Variants in AGO2 observed in about 807,000 individuals in gnomAD.
AGO2 encodes the protein argonaute RISC catalytic component 2, also known as protein argonaute-2.
In AGO2, 5 loss-of-function variants were observed where a neutral mutation model predicts 102.3. That is an observed-to-expected ratio of 0.05 (90% CI 0.03 to 0.10). The LOEUF (loss-of-function observed/expected upper bound fraction) is 0.10, where lower values mean the gene tolerates loss of function less well. Among genes scored for constraint, AGO2 ranks in the 10% least tolerant of loss-of-function variants. AGO2 has a pLI of 1.00. For synonymous variants in AGO2, 449 were observed against 473.1 expected (o/e 0.95, Z 0.66); for missense variants, 541 against 1,183.7 (o/e 0.46, Z 7.97).
intron 1 of AGO2, 123 bp downstream of exon 1, chr8:140,635,362 G>C (rs1054048656): frequency 1.3e-4 from 69 of 537,308 alleles, no homozygotes; most frequent in South Asian, 1.6e-4. Flanking sequence ...GCCCGCCCCC[G>C]GCCCCCGCCG....
intron 17 of AGO2, 79 bp downstream of exon 17, chr8:140,535,389 A>C: frequency 1.4e-6 from 2 of 1,403,086 alleles, no homozygotes; most frequent in Non-Finnish European, 2.0e-6. Context: ...CGTGCCAGCC[A>C]GAGTGCAAGT....
intron 1 of AGO2, among the ~76,000 whole-genome samples, chr8:140,607,464 A>T (rs1429455945): frequency 3.8e-4 from 1 of 2,662 alleles, no homozygotes; most frequent in Non-Finnish European, 7.1e-4. Flanking sequence ...AAAATTATAT[A>T]TATATATATA....
At chr8:140,568,711 C>T (rs564566240) in intron 3 of AGO2, among the ~76,000 whole-genome samples, 1 of 152,304 alleles carries the variant, frequency 6.6e-6, no homozygotes, top group South Asian at 2.1e-4. Flanking sequence ...ATCACTGACC[C>T]CCAAAAGACC....
intron 1 of AGO2, among the ~76,000 whole-genome samples, chr8:140,613,444 A>T (rs1446117952): frequency 6.6e-6 from 1 of 152,222 alleles, no homozygotes; most frequent in African/African-American, 2.4e-5. Context: ...TCCTGTTTTA[A>T]TTTGTAATAC....
chr8:140,543,241 A>T (rs1304964604), intron 14 of AGO2, among the ~76,000 whole-genome samples: 1 of 152,200 alleles, frequency 6.6e-6, no homozygotes, highest in Non-Finnish European at 1.5e-5. Context: ...GCAGCGGTAT[A>T]TGCGTGGGAG....
intron 2 of AGO2, among the ~76,000 whole-genome samples, chr8:140,573,638 T>A (rs142762954): frequency 2.0e-3 from 309 of 152,342 alleles, no homozygotes; most frequent in African/African-American, 7.1e-3. Context: ...GCACTTTATA[T>A]GCCACATACA....
rs1467606156 is a variant in AGO2, at chr8:140,521,628, TCA to T, written c.*10414_*10415del. ...AAGCATGGTAAGTCATCAACCTATC[TCA>T]TTTTCTTACCTGTCAGAAAGCCTTC... On this transcript the variant is annotated 3_prime_UTR_variant, in exon 19 of 19. Transcript: ENST00000220592. The T allele has an allele frequency of 2.0e-5, 3 of 152,238 alleles. No homozygotes were observed. The highest frequency in any genetic ancestry group is 4.4e-5 in the Non-Finnish European group (3 of 68,038). The allele number at this position is 152,238 out of a possible 1,614,324, so 9.4% of individuals were successfully genotyped here.
intron 1 of AGO2, among the ~76,000 whole-genome samples, chr8:140,614,711 G>C (rs975203414): frequency 6.6e-6 from 1 of 152,186 alleles, no homozygotes; most frequent in Non-Finnish European, 1.5e-5. Context: ...CCAGGATCCA[G>C]TACTTACTGC....
chr8:140,538,492 T>C (rs973644645), intron 16 of AGO2, among the ~76,000 whole-genome samples: 4 of 152,234 alleles, frequency 2.6e-5, no homozygotes, highest in African/African-American at 9.6e-5. Context: ...CTGCCTTTCG[T>C]CAGCTGTGGA....
At chr8:140,566,521 C>T (rs2073286576) in intron 3 of AGO2, among the ~76,000 whole-genome samples, 1 of 151,860 alleles carries the variant, frequency 6.6e-6, no homozygotes, top group African/African-American at 2.4e-5. Flanking sequence ...ACACAAGTAA[C>T]AGTAACTGAA....
rs762259884 is a variant in AGO2, at chr8:140,532,013, T to G, written c.*31A>C. 1.3e-6 allele frequency: 2 copies of G among 1,600,004 alleles called. No homozygotes were observed. The highest frequency in any genetic ancestry group is 2.2e-5 in the South Asian group (2 of 90,784). The stretch of plus-strand genomic sequence containing the variant: ...GTGTAGCTGGTCTCGTGAATCCCAC[T>G]CGGTACACAATCGCTAAACACTAAA... On this transcript the variant is annotated 3_prime_UTR_variant, in exon 19 of 19. Transcript: ENST00000220592.
chr8:140,603,127 G>A (rs1346918490), intron 1 of AGO2, among the ~76,000 whole-genome samples: 1 of 152,186 alleles, frequency 6.6e-6, no homozygotes. Flanking sequence ...TGGGAGCCTC[G>A]GATGGTGCGG....
chr8:140,611,036 G>T (rs538537949), intron 1 of AGO2, among the ~76,000 whole-genome samples: 1 of 152,258 alleles, frequency 6.6e-6, no homozygotes. Context: ...CAGAACAGGA[G>T]TTAGGAGTCT....
intron 1 of AGO2, among the ~76,000 whole-genome samples, chr8:140,607,438 C>T (rs1188878395): frequency 7.2e-6 from 1 of 138,976 alleles, no homozygotes; most frequent in African/African-American, 2.7e-5. Flanking sequence ...CCCGTCTCAC[C>T]CCCACCTCTT....
chr8:140,590,394 A>G (rs531286999), intron 1 of AGO2, among the ~76,000 whole-genome samples: 90 of 152,322 alleles, frequency 5.9e-4, no homozygotes, highest in African/African-American at 2.1e-3. Context: ...AGCTGCCCAA[A>G]CACGGACGCC....
intron 16 of AGO2, among the ~76,000 whole-genome samples, chr8:140,537,466 T>C (rs1383187740): frequency 6.6e-6 from 1 of 152,152 alleles, no homozygotes; most frequent in Non-Finnish European, 1.5e-5. Flanking sequence ...CATACACAAC[T>C]AATTTTTAAA....
At chr8:140,542,158 G>C (rs926248080) in intron 14 of AGO2, among the ~76,000 whole-genome samples, 1 of 152,204 alleles carries the variant, frequency 6.6e-6, no homozygotes, top group African/African-American at 2.4e-5. Flanking sequence ...CGGGGGCCAA[G>C]GGAGCGTGAG....
chr8:140,548,924 C>T (rs533416838), intron 12 of AGO2, among the ~76,000 whole-genome samples, 190 bp downstream of exon 12: 3 of 152,366 alleles, frequency 2.0e-5, no homozygotes, highest in South Asian at 2.1e-4. Flanking sequence ...TACAGGACGA[C>T]GGGGAGGCCC....
chr8:140,546,729 G>A (rs777456337), intron 13 of AGO2, among the ~76,000 whole-genome samples: 3 of 152,338 alleles, frequency 2.0e-5, no homozygotes, highest in East Asian at 1.9e-4. Flanking sequence ...CTGATTCTAC[G>A]TATTCTCCGT....
Sources: gnomAD v4.1 joint callset for allele counts (sites outside exome capture counted in the v4.1 genomes callset) on GRCh38, gnomAD v4.1.1 for gene constraint, MANE v1.5 for transcripts, NCBI Gene and HGNC (gene_info 2026-07-23, HGNC 2026-07-21) for gene names.